The following CUL3 variants were observed in gnomAD, a reference collection of about 807,000 sequenced individuals.
CUL3 encodes the protein cullin 3.
In CUL3, 19 loss-of-function variants were observed where a neutral mutation model predicts 89.1. The ratio of observed to expected loss-of-function variants is 0.21; its 90% CI spans 0.15 to 0.31. The LOEUF (loss-of-function observed/expected upper bound fraction) is 0.31, where lower values mean the gene tolerates loss of function less well. CUL3 is among the 10% of genes least tolerant of loss of function. The pLI is 1.00. For missense variants in CUL3, 469 were observed against 942.3 expected (o/e 0.50, Z 6.58); for synonymous variants, 351 against 308.4 (o/e 1.14, Z -1.45).
chr2:224,513,251 G>A (rs1692909765), intron 5 of CUL3, among the ~76,000 whole-genome samples: 1 of 151,998 alleles, frequency 6.6e-6, no homozygotes, highest in African/African-American at 2.4e-5. Context: ...ACTACACAGG[G>A]GCGTCAGCAT....
intron 15 of CUL3, among the ~76,000 whole-genome samples, chr2:224,477,628 T>G (rs1374987994): frequency 6.6e-6 from 1 of 152,234 alleles, no homozygotes; most frequent in Non-Finnish European, 1.5e-5. Context: ...CTTCTCTTTT[T>G]GGTTAAAGAA....
At chr2:224,478,530 T>A in intron 14 of CUL3, 185 bp from the exon 15 acceptor site, 1 of 445,934 alleles carries the variant, frequency 2.2e-6, no homozygotes, top group Non-Finnish European at 3.9e-6. Flanking sequence ...AAATTATCCT[T>A]TTCAAAAATG....
At chr2:224,546,123 TGTAAA>T (rs1559204543) in intron 2 of CUL3, among the ~76,000 whole-genome samples, 1 of 152,188 alleles carries the variant, frequency 6.6e-6, no homozygotes, top group Non-Finnish European at 1.5e-5. Flanking sequence ...ACTTATCGTT[TGTAAA>T]GTATACTATT....
rs528083640 is a variant in CUL3 at position 224,478,381 on chromosome 2, A to G, written c.2030-36T>C. 81 of 1,579,778 alleles carry G rather than the reference A, an allele frequency of 5.1e-5. No individual in the cohort carries two copies. The South Asian group carries it at 9.0e-4, about 18-fold the overall frequency. On this transcript the variant is annotated intron_variant, in intron 14 of 15. Transcript: ENST00000264414. ...AATAAAGACATTTATCATAAATCTA[A>G]TTTTAAAATTTGGTTTATAAGCAAG...
intron 2 of CUL3, among the ~76,000 whole-genome samples, chr2:224,553,754 C>T (rs181779667): frequency 6.6e-6 from 1 of 152,146 alleles, no homozygotes; most frequent in Non-Finnish European, 1.5e-5. Flanking sequence ...TGTCTATAGA[C>T]CAGGAAGGGG....
chr2:224,501,693 T>C lies in CUL3; in HGVS notation c.1486-1206A>G, dbSNP rs373165383. 2.2e-3 allele frequency among the ~76,000 whole-genome samples: 329 copies of C among 152,298 alleles called. 4 individuals carry two copies. Among genetic ancestry groups the C allele is most frequent in the African/African-American group, 7.1e-3 (296 of 41,560 alleles). ...GGATGATGCACAGAAGAGAGGATCA[T>C]AGAGGAGACTCTTAGATGGTGTACT... On this transcript the variant is annotated intron_variant, in intron 10 of 15. Transcript: ENST00000264414.
intron 8 of CUL3, among the ~76,000 whole-genome samples, chr2:224,504,832 C>T (rs1372602492): frequency 6.6e-6 from 1 of 152,126 alleles, no homozygotes; most frequent in Non-Finnish European, 1.5e-5. Flanking sequence ...GAGACCAATT[C>T]AGATGTGAGC....
At chr2:224,539,852 G>C (rs1195887968) in intron 2 of CUL3, among the ~76,000 whole-genome samples, 1 of 152,082 alleles carries the variant, frequency 6.6e-6, no homozygotes, top group Non-Finnish European at 1.5e-5. Context: ...CTATACTAGT[G>C]AATATATGTC....
At chr2:224,572,202 GT>G (rs2106321931) in intron 1 of CUL3, among the ~76,000 whole-genome samples, 1 of 152,246 alleles carries the variant, frequency 6.6e-6, no homozygotes, top group East Asian at 1.9e-4. Flanking sequence ...AGTCAGGAGT[GT>G]ATCCCTTGGT....
intron 1 of CUL3, chr2:224,563,451 C>A (rs1189972589): frequency 3.8e-6 from 1 of 261,296 alleles, no homozygotes; most frequent in Non-Finnish European, 7.7e-6. Flanking sequence ...ACTGTGTGTG[C>A]ACTTCTTTTC....
At chr2:224,547,447 T>C (rs1166931640) in intron 2 of CUL3, among the ~76,000 whole-genome samples, 1 of 152,212 alleles carries the variant, frequency 6.6e-6, no homozygotes, top group Non-Finnish European at 1.5e-5. Context: ...GCTCACATGA[T>C]GAATCTTGAG....
chr2:224,501,517 T>C (rs550765145), intron 10 of CUL3, among the ~76,000 whole-genome samples: 1 of 152,268 alleles, frequency 6.6e-6, no homozygotes, highest in Non-Finnish European at 1.5e-5. Flanking sequence ...TAAACCATCA[T>C]TCCATTTTTA....
chr2:224,573,957 G>C (rs1451344062), intron 1 of CUL3, among the ~76,000 whole-genome samples: 2 of 152,158 alleles, frequency 1.3e-5, no homozygotes, highest in Non-Finnish European at 2.9e-5. Context: ...GAAATGGAAA[G>C]GAATTGGAGA....
At chr2:224,525,159 AC>A (rs937167580) in intron 3 of CUL3, among the ~76,000 whole-genome samples, 9 of 152,194 alleles carry the variant, frequency 5.9e-5, no homozygotes, top group African/African-American at 2.2e-4. Flanking sequence ...CAAGTGATAC[AC>A]CTTAAAATTC....
chr2:224,506,259 G>T, intron 7 of CUL3, 127 bp from the exon 8 acceptor site: 2 of 611,610 alleles, frequency 3.3e-6, no homozygotes, highest in Non-Finnish European at 5.3e-6. Context: ...TAAACTTACA[G>T]TTTTGATATT....
chr2:224,545,356 A>C (rs1320720933), intron 2 of CUL3, among the ~76,000 whole-genome samples: 2 of 152,142 alleles, frequency 1.3e-5, no homozygotes, highest in Admixed American at 1.3e-4. Context: ...TAAGATAGCC[A>C]CTGTAGGGAA....
chr2:224,567,226 G>A (rs562428890), intron 1 of CUL3, among the ~76,000 whole-genome samples: 17 of 152,056 alleles, frequency 1.1e-4, no homozygotes, highest in Non-Finnish European at 1.9e-4. Flanking sequence ...CTTTGTTTTC[G>A]TTTTTGTTTT....
intron 1 of CUL3, among the ~76,000 whole-genome samples, chr2:224,574,972 C>T (rs1695266824): frequency 6.6e-6 from 1 of 152,152 alleles, no homozygotes; most frequent in South Asian, 2.1e-4. Flanking sequence ...AATAGAGACT[C>T]CTCTCTCAAG....
chr2:224,544,394 T>G lies in CUL3; in HGVS notation c.265-8753A>C, dbSNP rs79025652. Among the ~76,000 whole-genome samples, 1,301 of 152,348 alleles carry G rather than the reference T, an allele frequency of 8.5e-3. 17 individuals are homozygous for G. Among genetic ancestry groups the G allele is most frequent in the African/African-American group, 0.027 (1,122 of 41,578 alleles). ...TAATACAAAAGCATGCAACATTTAC[T>G]ATGACCTACAAAAATAGCACTTAAT... On this transcript the variant is annotated intron_variant, in intron 2 of 15. Transcript: ENST00000264414.
Sources: allele counts gnomAD v4.1 joint callset (sites outside exome capture counted in the v4.1 genomes callset), GRCh38; gene constraint gnomAD v4.1.1; transcripts MANE v1.5; gene names NCBI Gene and HGNC (gene_info 2026-07-23, HGNC 2026-07-21).